AFAP1: variants seen among roughly 807,000 people sequenced by gnomAD.
AFAP1 encodes the protein actin filament-associated protein 1.
A neutral mutation model predicts 93.9 loss-of-function variants in AFAP1; 75 were observed. That is an observed-to-expected ratio of 0.80 (90% CI 0.66 to 0.97). AFAP1 has a LOEUF of 0.97. Among genes scored for constraint, AFAP1 ranks in the 50% least tolerant of loss-of-function variants. AFAP1 has a pLI of 0.00. For missense variants in AFAP1, 1,201 were observed against 1,050.8 expected, an observed-to-expected ratio of 1.14 and a Z score of -1.98; for synonymous variants, 517 against 430.7, an observed-to-expected ratio of 1.20 and a Z score of -2.48.
At chr4:7,883,229 A>G (rs538763271) in intron 1 of AFAP1, among the ~76,000 whole-genome samples, 2 of 151,744 alleles carry the variant, frequency 1.3e-5, no homozygotes, top group African/African-American at 2.4e-5. Context: ...GGAAAGACAG[A>G]AAGAAAATCT....
chr4:7,810,361 C>G (rs1308755367), intron 8 of AFAP1, among the ~76,000 whole-genome samples: 1 of 152,174 alleles, frequency 6.6e-6, no homozygotes, highest in Non-Finnish European at 1.5e-5. Flanking sequence ...TAATAATTAG[C>G]CATGCACATC....
At chr4:7,882,639 G>A (rs1577331728) in intron 1 of AFAP1, among the ~76,000 whole-genome samples, 1 of 152,184 alleles carries the variant, frequency 6.6e-6, no homozygotes, top group South Asian at 2.1e-4. Context: ...GGCAGGCAGA[G>A]CACAAGGTCA....
In AFAP1 at chr4:7,809,681, A is replaced by G. The variant is rs1342440320; in HGVS notation, c.987T>C (p.Ser329=). Reference sequence around the variant, plus strand: ...CTGTGGACGGCTTTTTCTTTCCCAGACTGATGATCTTGGTGATTTTTTTCC... The same window carrying G: ...CTGTGGACGGCTTTTTCTTTCCCAGGCTGATGATCTTGGTGATTTTTTTCC... The part of the protein sequence containing the change: ...VTGKKITKII[S]LGKKKPSTDE... Residue 329 remains serine (S), a synonymous_variant, in exon 9 of 18, where the codon AGT becomes AGC. Transcript: ENST00000420658. 4 of 1,613,910 alleles carry G rather than the reference A, an allele frequency of 2.5e-6. No homozygotes were observed. The East Asian group carries it at 8.9e-5, about 36-fold the overall frequency.
At chr4:7,858,072 A>C (rs1434637865) in intron 3 of AFAP1, among the ~76,000 whole-genome samples, 1 of 152,254 alleles carries the variant, frequency 6.6e-6, no homozygotes, top group African/African-American at 2.4e-5. Context: ...GAATGCTCAG[A>C]TGTACTGCTA....
chr4:7,847,435 C>G (rs1394021087), intron 4 of AFAP1, among the ~76,000 whole-genome samples: 1 of 152,168 alleles, frequency 6.6e-6, no homozygotes, highest in Non-Finnish European at 1.5e-5. Flanking sequence ...GGAAAGTATG[C>G]TTAGCAATGA....
At chr4:7,876,399 ACAGT>A (rs1273117236) in intron 1 of AFAP1, among the ~76,000 whole-genome samples, 1 of 152,250 alleles carries the variant, frequency 6.6e-6, no homozygotes, top group Non-Finnish European at 1.5e-5. Flanking sequence ...GGATTCCAAG[ACAGT>A]CAATCAGATC....
At chr4:7,774,233 C>CCTCTTCCCTGATGCATCCCAA (rs1560148917) in intron 15 of AFAP1, 1 of 153,564 alleles carries the variant, frequency 6.5e-6, no homozygotes, top group Non-Finnish European at 1.4e-5. Flanking sequence ...ATTAGCCTGG[C>CCTCTTCCCTGATGCATCCCAA]CTCTTCCCTG....
At position 7,809,709 on chromosome 4, in the gene AFAP1, G is replaced by C; in HGVS notation, c.959C>G (p.Thr320Ser). 1 of 1,613,070 alleles carries C rather than the reference G, an allele frequency of 6.2e-7. No individual in the cohort carries two copies. The highest frequency in any genetic ancestry group is 8.5e-7 in the Non-Finnish European group (1 of 1,179,558). Reference sequence around the variant, plus strand: ...GATGATCTTGGTGATTTTTTTCCCAGTGACTTTCGACACAGTGCCCTTGGC... The same window carrying C: ...GATGATCTTGGTGATTTTTTTCCCACTGACTTTCGACACAGTGCCCTTGGC... ...SEAKGTVSKV[T>S]GKKITKIISL... The change falls in exon 9 of 18, where the codon ACT (threonine) becomes AGT (serine). Residue 320 changes from threonine to serine, a missense_variant. Coordinates refer to ENST00000420658, the MANE Select transcript of AFAP1 (RefSeq NM_001134647.2).
At chr4:7,856,566 G>C (rs1283203848) in intron 3 of AFAP1, among the ~76,000 whole-genome samples, 1 of 152,112 alleles carries the variant, frequency 6.6e-6, no homozygotes, top group Middle Eastern at 3.2e-3. Flanking sequence ...CAAACTCAGA[G>C]ACCGAAACTC....
intron 1 of AFAP1, among the ~76,000 whole-genome samples, chr4:7,879,209 A>G (rs530172400): frequency 5.1e-4 from 77 of 152,344 alleles, no homozygotes; most frequent in Non-Finnish European, 1.0e-3. Flanking sequence ...GACTGGCCAG[A>G]GGGTTCTGCA....
chr4:7,902,264 A>G (rs1419110176), intron 1 of AFAP1, among the ~76,000 whole-genome samples: 1 of 152,186 alleles, frequency 6.6e-6, no homozygotes, highest in Admixed American at 6.5e-5. Flanking sequence ...AAAGCTATCA[A>G]TGACCAAGCA....
intron 1 of AFAP1, among the ~76,000 whole-genome samples, chr4:7,935,526 G>C (rs1047218829): frequency 1.3e-5 from 2 of 152,146 alleles, no homozygotes; most frequent in Admixed American, 1.3e-4. Flanking sequence ...GGGAGAGAGA[G>C]GAAGGTAGAC....
intron 1 of AFAP1, among the ~76,000 whole-genome samples, chr4:7,896,243 T>A (rs1188667920): frequency 6.6e-6 from 1 of 152,114 alleles, no homozygotes; most frequent in African/African-American, 2.4e-5. Flanking sequence ...TAACCCACCA[T>A]TAAAAGAGGT....
chr4:7,916,201 G>A (rs17770936), intron 1 of AFAP1, among the ~76,000 whole-genome samples: 2 of 152,172 alleles, frequency 1.3e-5, no homozygotes, highest in Non-Finnish European at 2.9e-5. Context: ...CCACAAAGGA[G>A]GTACCAACTG....
chr4:7,808,060 G>A (rs918298735), intron 9 of AFAP1, among the ~76,000 whole-genome samples: 1 of 152,100 alleles, frequency 6.6e-6, no homozygotes, highest in Non-Finnish European at 1.5e-5. Context: ...TGGATATAAC[G>A]GGTGCTCAAT....
At chr4:7,857,616 G>T (rs1018061496) in intron 3 of AFAP1, among the ~76,000 whole-genome samples, 3 of 152,294 alleles carry the variant, frequency 2.0e-5, no homozygotes, top group African/African-American at 4.8e-5. Flanking sequence ...CCAGCACCAG[G>T]CAAGGTCTGT....
At chr4:7,930,269 C>G (rs918308377) in intron 1 of AFAP1, among the ~76,000 whole-genome samples, 1 of 152,208 alleles carries the variant, frequency 6.6e-6, no homozygotes, top group Non-Finnish European at 1.5e-5. Context: ...TGCCACCTCC[C>G]CAGCACCAAA....
At chr4:7,929,083 C>G (rs1372511566) in intron 1 of AFAP1, among the ~76,000 whole-genome samples, 6 of 152,252 alleles carry the variant, frequency 3.9e-5, no homozygotes, top group African/African-American at 1.4e-4. Flanking sequence ...GGGTGGGAAT[C>G]AGCACACAGT....
intron 12 of AFAP1, among the ~76,000 whole-genome samples, chr4:7,783,992 C>A (rs1349292851): frequency 6.6e-6 from 1 of 152,116 alleles, no homozygotes; most frequent in Non-Finnish European, 1.5e-5. Context: ...TGGGGTGACA[C>A]AGGGCAAATG....
Sources: gnomAD v4.1 joint callset for allele counts (sites outside exome capture counted in the v4.1 genomes callset) on GRCh38, gnomAD v4.1.1 for gene constraint, MANE v1.5 for transcripts, NCBI Gene and HGNC (gene_info 2026-07-23, HGNC 2026-07-21) for gene names.